Variants in IRF2 observed in about 807,000 individuals in gnomAD.
The protein encoded by IRF2 is interferon regulatory factor 2.
A neutral mutation model predicts 40.6 loss-of-function variants in IRF2; 15 were observed. The ratio of observed to expected loss-of-function variants is 0.37; its 90% CI spans 0.25 to 0.57. IRF2 has a LOEUF of 0.57. Ranked by LOEUF, IRF2 falls within the 20% of genes least tolerant of loss-of-function variation. The pLI is 0.77. For synonymous variants in IRF2, 151 were observed against 165.5 expected, an observed-to-expected ratio of 0.91 and a Z score of 0.67; for missense variants, 317 against 455.7, an observed-to-expected ratio of 0.70 and a Z score of 2.77.
At chr4:184,454,310 A>G (rs1208337717) in intron 1 of IRF2, among the ~76,000 whole-genome samples, 1 of 152,234 alleles carries the variant, frequency 6.6e-6, no homozygotes, top group African/African-American at 2.4e-5. Context: ...GGAGACATCC[A>G]ATTTAACTCT....
At chr4:184,435,525 C>T (rs373959926) in intron 1 of IRF2, among the ~76,000 whole-genome samples, 1 of 152,124 alleles carries the variant, frequency 6.6e-6, no homozygotes, top group African/African-American at 2.4e-5. Context: ...TTTTTAAAAT[C>T]CATTTAAATG....
chr4:184,435,109 C>G (rs1007560548), intron 1 of IRF2, among the ~76,000 whole-genome samples: 1 of 152,186 alleles, frequency 6.6e-6, no homozygotes, highest in Non-Finnish European at 1.5e-5. Flanking sequence ...ACCCTTACAA[C>G]CCTAGGACAT....
intron 2 of IRF2, 78 bp downstream of exon 2, chr4:184,428,900 A>T: frequency 8.8e-7 from 1 of 1,131,804 alleles, no homozygotes; most frequent in Non-Finnish European, 1.4e-6. Context: ...AATACACACG[A>T]TTTTACTTTC....
chr4:184,462,814 T>G (rs933922727), intron 1 of IRF2, among the ~76,000 whole-genome samples: 1 of 152,246 alleles, frequency 6.6e-6, no homozygotes, highest in Admixed American at 6.5e-5. Context: ...GTTCAATTCA[T>G]ATACCATTAG....
At chr4:184,392,509 G>T (rs772970609) in intron 7 of IRF2, among the ~76,000 whole-genome samples, 2 of 152,184 alleles carry the variant, frequency 1.3e-5, no homozygotes, top group African/African-American at 2.4e-5. Flanking sequence ...CTCATCCCCC[G>T]TTACGCAGAA....
chr4:184,459,590 G>A (rs1739059333), intron 1 of IRF2, among the ~76,000 whole-genome samples: 1 of 152,114 alleles, frequency 6.6e-6, no homozygotes, highest in Admixed American at 6.5e-5. Flanking sequence ...ACTGTAATGG[G>A]GAGAAGCTTA....
chr4:184,413,104 G>A lies in IRF2; in HGVS notation c.412-4829C>T, dbSNP rs765808371. On this transcript the variant is annotated intron_variant, in intron 5 of 8. Coordinates refer to ENST00000393593, the MANE Select transcript of IRF2 (RefSeq NM_002199.4). This position sits in a 1 kb window ranked among gnomAD's most constrained non-coding sequence, Gnocchi z 4.2. ...TAGGCCGCTCTTATCTGCATCCTCC[G>A]TACCCTCTTCCACTTTCTGGAGAAA... is the stretch of plus-strand genomic sequence containing the variant. 9.2e-5 allele frequency among the ~76,000 whole-genome samples: 14 copies of A among 152,110 alleles called. No individual in the cohort carries two copies. Among genetic ancestry groups the A allele is most frequent in the East Asian group, 1.9e-4 (1 of 5,198 alleles).
intron 5 of IRF2, among the ~76,000 whole-genome samples, chr4:184,410,266 A>G (rs1404847821): frequency 6.6e-6 from 1 of 152,222 alleles, no homozygotes; most frequent in African/African-American, 2.4e-5. Flanking sequence ...CAATAATAGG[A>G]CCCACGTCAT....
intron 1 of IRF2, among the ~76,000 whole-genome samples, chr4:184,460,272 G>C (rs960769603): frequency 6.6e-6 from 1 of 152,196 alleles, no homozygotes; most frequent in Non-Finnish European, 1.5e-5. Context: ...GAGACATCTC[G>C]AGTGGTCAGA....
intron 1 of IRF2, among the ~76,000 whole-genome samples, chr4:184,441,750 A>C (rs907603742): frequency 1.3e-5 from 2 of 152,194 alleles, no homozygotes; most frequent in African/African-American, 2.4e-5. Context: ...GGCAAGTTCT[A>C]AGCACGTTAA....
At chr4:184,398,652 T>A (rs534538390) in intron 7 of IRF2, among the ~76,000 whole-genome samples, 12 of 141,124 alleles carry the variant, frequency 8.5e-5, no homozygotes, top group Admixed American at 7.6e-4. Context: ...CGAGACTCTG[T>A]CTCAAAAAAA....
At position 184,388,603 on chromosome 4, in the gene IRF2, A is replaced by G; in HGVS notation, c.*155T>C. The G allele has an allele frequency of 1.4e-6, 1 of 726,474 alleles. No individual in the cohort carries two copies. The highest frequency in any genetic ancestry group is 2.2e-6 in the Non-Finnish European group (1 of 445,328). 45.0% of individuals were successfully genotyped at this position (726,474 alleles called of 1,614,324 possible). A position where few individuals can be genotyped will look rare whatever the true frequency, so the allele number is the denominator to read the frequency against. The stretch of plus-strand genomic sequence containing the variant: ...GAGTCCTGAGTTAAAGAGAAGCTCC[A>G]GTACTGGAGTTGGACACAGCAATCA... On this transcript the variant is annotated 3_prime_UTR_variant, in exon 9 of 9. Coordinates refer to ENST00000393593, the MANE Select transcript of IRF2 (RefSeq NM_002199.4). This position sits in a 1 kb window ranked among gnomAD's most constrained non-coding sequence, Gnocchi z 4.6.
chr4:184,456,622 C>T (rs1049596115), intron 1 of IRF2, among the ~76,000 whole-genome samples: 9 of 152,256 alleles, frequency 5.9e-5, no homozygotes, highest in African/African-American at 2.2e-4. Context: ...ACGCGCTTTC[C>T]TGCGGCCCGG....
chr4:184,446,999 A>G lies in IRF2; in HGVS notation c.-6-17929T>C, dbSNP rs541318887. Among the ~76,000 whole-genome samples the G allele has an allele frequency of 3.3e-5, 5 of 152,304 alleles. No individual in the cohort carries two copies. The East Asian group carries it at 7.7e-4, about 24-fold the overall frequency. ...ATGCATATGTGTAAGTATATATGCAACTAATACACATATTCTCTAACCTTG... is the reference window on the plus strand; with the variant it reads ...ATGCATATGTGTAAGTATATATGCAGCTAATACACATATTCTCTAACCTTG... On this transcript the variant is annotated intron_variant, in intron 1 of 8. Transcript: ENST00000393593.
chr4:184,428,466 T>G (rs1024796226), intron 2 of IRF2, among the ~76,000 whole-genome samples: 1 of 152,200 alleles, frequency 6.6e-6, no homozygotes, highest in Admixed American at 6.5e-5. Context: ...GAGCAGACAT[T>G]GGAGACTCCA....
intron 2 of IRF2, among the ~76,000 whole-genome samples, chr4:184,422,785 C>T (rs1737529080): frequency 6.6e-6 from 1 of 152,150 alleles, no homozygotes; most frequent in South Asian, 2.1e-4. Context: ...GAGCAGATTA[C>T]TGGTTGCCAC....
chr4:184,404,720 C>T (rs1406699552), intron 6 of IRF2, among the ~76,000 whole-genome samples: 3 of 152,104 alleles, frequency 2.0e-5, no homozygotes, highest in Non-Finnish European at 4.4e-5. Context: ...TTTAGGCACT[C>T]GAGAGCCATG....
At chr4:184,418,007 A>G (rs1436536494) in intron 5 of IRF2, among the ~76,000 whole-genome samples, 160 bp downstream of exon 5, 6 of 152,168 alleles carry the variant, frequency 3.9e-5, no homozygotes, top group Non-Finnish European at 8.8e-5. Context: ...CATGTCTGCA[A>G]GTGGATACAT....
In IRF2 at chr4:184,389,144, G is replaced by T. The variant is rs1426428948; in HGVS notation, c.742-78C>A. 1.1e-5 allele frequency: 16 copies of T among 1,407,622 alleles called. No homozygotes were observed. In the Admixed American group the frequency reaches 1.9e-4, roughly 17 times the overall value. The allele number at this position is 1,407,622 out of a possible 1,614,324, so 87.2% of individuals were successfully genotyped here. On this transcript the variant is annotated intron_variant, in intron 8 of 8. Transcript: ENST00000393593. ...TTTTTAAAAATGCATCACTGGCCAG[G>T]TGTGGTGGCTCATGCCTGTAATCCC...
Sources: allele counts gnomAD v4.1 joint callset (sites outside exome capture counted in the v4.1 genomes callset), GRCh38; gene constraint gnomAD v4.1.1; non-coding constraint Gnocchi (gnomAD v3.1); transcripts MANE v1.5; gene names NCBI Gene and HGNC (gene_info 2026-07-23, HGNC 2026-07-21).